Variants in COL19A1 observed in about 807,000 individuals in gnomAD.
COL19A1 encodes collagen alpha-1(XIX) chain.
In COL19A1, 159 loss-of-function variants were observed where a neutral mutation model predicts 190.2. The ratio of observed to expected loss-of-function variants is 0.84; its 90% CI spans 0.73 to 0.95. The LOEUF (loss-of-function observed/expected upper bound fraction) is 0.95. COL19A1 is among the 40% of genes least tolerant of loss of function. The pLI is 0.00. For synonymous variants in COL19A1, 509 were observed against 458.9 expected (o/e 1.11, Z -1.39); for missense variants, 1,418 against 1,431.9 (o/e 0.99, Z 0.16).
intron 2 of COL19A1, among the ~76,000 whole-genome samples, chr6:69,895,232 G>A (rs1170362142): frequency 6.6e-6 from 1 of 152,136 alleles, no homozygotes; most frequent in Non-Finnish European, 1.5e-5. Flanking sequence ...GGAAAAAAAA[G>A]GCCATGAAAA....
chr6:69,944,458 G>C (rs1051843676), intron 9 of COL19A1, among the ~76,000 whole-genome samples: 11 of 152,162 alleles, frequency 7.2e-5, no homozygotes, highest in Middle Eastern at 3.4e-3. Context: ...TAATTGCCCA[G>C]GAGACTCTGC....
intron 14 of COL19A1, among the ~76,000 whole-genome samples, chr6:70,046,981 C>T (rs1360699582): frequency 2.6e-5 from 4 of 152,054 alleles, no homozygotes; most frequent in South Asian, 2.1e-4. Context: ...TGAAATTCCA[C>T]GTTTTAAAAA....
At chr6:69,994,454 C>T (rs1042517480) in intron 11 of COL19A1, among the ~76,000 whole-genome samples, 4 of 152,112 alleles carry the variant, frequency 2.6e-5, no homozygotes, top group Admixed American at 6.6e-5. Context: ...GCCTATGACG[C>T]TTGTGGAGAA....
intron 24 of COL19A1, 45 bp downstream of exon 24, chr6:70,144,308 G>T: frequency 6.7e-7 from 1 of 1,498,606 alleles, no homozygotes; most frequent in South Asian, 1.1e-5. Flanking sequence ...GTAGATAGGA[G>T]GAAGAGACAG....
rs57916671 is a variant in COL19A1, at chr6:69,938,195, T to C, written c.936+95T>C. The C allele has an allele frequency of 2.3e-3, 2,645 of 1,127,486 alleles. 31 individuals are homozygous for C. The African/African-American group carries it at 0.026, about 11-fold the overall frequency. 69.8% of individuals were successfully genotyped at this position (1,127,486 alleles called of 1,614,324 possible). On this transcript the variant is annotated intron_variant, in intron 9 of 50. Coordinates refer to ENST00000620364, the MANE Select transcript of COL19A1 (RefSeq NM_001858.6). Reference sequence around the variant, plus strand: ...CTCATTTTTCTTTATTCTGTACAAATATATGTTTCTATAAAAGGCTATCAA... The same window carrying C: ...CTCATTTTTCTTTATTCTGTACAAACATATGTTTCTATAAAAGGCTATCAA...
At chr6:69,888,286 C>T (rs1769077762) in intron 2 of COL19A1, among the ~76,000 whole-genome samples, 1 of 152,148 alleles carries the variant, frequency 6.6e-6, no homozygotes, top group Non-Finnish European at 1.5e-5. Context: ...CCAGTTTGCA[C>T]AGGGAGACGG....
chr6:69,924,857 T>C (rs1400322522), intron 4 of COL19A1, among the ~76,000 whole-genome samples: 1 of 152,246 alleles, frequency 6.6e-6, no homozygotes, highest in Non-Finnish European at 1.5e-5. Context: ...CATTTTTTCA[T>C]GTGTCTGTTG....
intron 9 of COL19A1, 52 bp downstream of exon 9, chr6:69,938,152 A>ATT: frequency 6.5e-7 from 1 of 1,540,248 alleles, no homozygotes; most frequent in East Asian, 2.3e-5. Flanking sequence ...TTAAAAAATG[A>ATT]CTTAAAAATG....
At chr6:70,058,658 A>G (rs1417937595) in intron 14 of COL19A1, among the ~76,000 whole-genome samples, 1 of 150,648 alleles carries the variant, frequency 6.6e-6, no homozygotes, top group Non-Finnish European at 1.5e-5. Flanking sequence ...TTTTTTTCTT[A>G]TGATAATTGG....
At chr6:70,130,374 T>TG in intron 18 of COL19A1, 151 bp downstream of exon 18, 1 of 606,010 alleles carries the variant, frequency 1.7e-6, no homozygotes, top group South Asian at 2.0e-5. Context: ...TACAGGCATG[T>TG]GCCACCTCTC....
intron 16 of COL19A1, among the ~76,000 whole-genome samples, chr6:70,106,424 T>C (rs13208290): frequency 0.014 from 2,059 of 152,182 alleles, 21 homozygotes; most frequent in Middle Eastern, 0.037. Context: ...TTTCTAATAA[T>C]GGAAAATTTA....
chr6:70,092,462 C>T (rs944483036), intron 15 of COL19A1, among the ~76,000 whole-genome samples: 1 of 152,170 alleles, frequency 6.6e-6, no homozygotes, highest in Admixed American at 6.5e-5. Context: ...GCAGGTAAAA[C>T]AGACAGTAAA....
At chr6:70,006,816 A>G (rs753148694) in intron 11 of COL19A1, among the ~76,000 whole-genome samples, 27 of 152,104 alleles carry the variant, frequency 1.8e-4, no homozygotes, top group Non-Finnish European at 3.5e-4. Flanking sequence ...AAGAAAATGG[A>G]GAGGAAATAC....
rs563579252 is a variant in COL19A1 at position 69,885,505 on chromosome 6, T to C, written c.91+5847T>C. Among the ~76,000 whole-genome samples, 6 of 152,316 alleles carry C rather than the reference T, an allele frequency of 3.9e-5. 1 individual carries two copies. The South Asian group carries it at 1.2e-3, about 32-fold the overall frequency. ...TAATGAGTGGCTAAATCTTATTTAA[T>C]GAAAATCTCAAATGCAATACAATTT... On this transcript the variant is annotated intron_variant, in intron 2 of 50. Transcript: ENST00000620364.
intron 11 of COL19A1, among the ~76,000 whole-genome samples, chr6:70,003,976 T>C (rs1777449779): frequency 6.6e-6 from 1 of 152,222 alleles, no homozygotes; most frequent in African/African-American, 2.4e-5. Context: ...TCATTGGTCT[T>C]TATATTTTGG....
At chr6:69,960,494 C>T (rs1221118366) in intron 10 of COL19A1, among the ~76,000 whole-genome samples, 2 of 152,076 alleles carry the variant, frequency 1.3e-5, no homozygotes, top group Admixed American at 6.6e-5. Flanking sequence ...AGACAACTAC[C>T]TCTTCAAAAA....
In COL19A1 at chr6:69,962,854, G is replaced by T; in HGVS notation, c.1010G>T (p.Gly337Val). ...GAGCAAGGTTTTGAAGGCAGCAAAG[G>T]AGAAACTGGTGAAAAGGTAAATATC... is the stretch of plus-strand genomic sequence containing the variant. ...KGEQGFEGSK[G>V]ETGEKGEQGE... Residue 337 changes from glycine (G) to valine (V), a missense_variant, in exon 11 of 51, where the codon GGA becomes GTA. Coordinates refer to ENST00000620364, the MANE Select transcript of COL19A1 (RefSeq NM_001858.6). The T allele has an allele frequency of 6.2e-7, 1 of 1,607,862 alleles. No individual in the cohort carries two copies. Among genetic ancestry groups the T allele is most frequent in the Non-Finnish European group, 8.5e-7 (1 of 1,176,172 alleles).
intron 34 of COL19A1, among the ~76,000 whole-genome samples, chr6:70,158,964 T>C (rs982974409): frequency 5.9e-5 from 9 of 152,098 alleles, no homozygotes; most frequent in Admixed American, 5.9e-4. Context: ...CTTTCACTTT[T>C]ACTACAGAAT....
intron 17 of COL19A1, among the ~76,000 whole-genome samples, chr6:70,123,351 T>C (rs528321745): frequency 0.018 from 2,682 of 152,000 alleles, 43 homozygotes; most frequent in Middle Eastern, 0.068. Flanking sequence ...CACTTTTACA[T>C]TGTTGGTGGG....
Sources: allele counts gnomAD v4.1 joint callset (sites outside exome capture counted in the v4.1 genomes callset), GRCh38; gene constraint gnomAD v4.1.1; transcripts MANE v1.5; gene names NCBI Gene and HGNC (gene_info 2026-07-23, HGNC 2026-07-21).